LINGO2: variants seen among roughly 807,000 people sequenced by gnomAD.
The protein encoded by LINGO2 is leucine-rich repeat and immunoglobulin-like domain-containing nogo receptor-interacting protein 2.
LINGO2 carries 14 observed loss-of-function variants against 30.6 expected under a neutral mutation model. The observed-to-expected ratio is 0.46, with a 90% CI of 0.30 to 0.72. The LOEUF is 0.72. Among genes scored for constraint, LINGO2 ranks in the 30% least tolerant of loss-of-function variants. The pLI is 0.07. For missense variants in LINGO2, 729 were observed against 751.7 expected (o/e 0.97, Z 0.35); for synonymous variants, 317 against 288.5 (o/e 1.10, Z -1.00).
At position 28,176,082 on chromosome 9, in the gene LINGO2, G is replaced by A. The variant is rs75945097; in HGVS notation, c.-87+119126C>T. 3.1e-3 allele frequency among the ~76,000 whole-genome samples: 470 copies of A among 152,230 alleles called. 15 individuals carry two copies. The East Asian group carries it at 0.082, about 27-fold the overall frequency. ...TTTCATGACTTTCCATAGTATTTAG[G>A]ATAAAACGCTTAAGTATTATGCTCA... On this transcript the variant is annotated intron_variant, in intron 4 of 5. Transcript: ENST00000379992.
chr9:28,918,828 C>T, the LINGO2 span, among the ~76,000 whole-genome samples: 2 of 151,888 alleles, frequency 1.3e-5, no homozygotes, highest in African/African-American at 2.4e-5. Context: ...ACTGCAATAA[C>T]AACAAAACTA....
chr9:27,992,981 T>G (rs1821474534), intron 5 of LINGO2, among the ~76,000 whole-genome samples: 1 of 152,152 alleles, frequency 6.6e-6, no homozygotes, highest in African/African-American at 2.4e-5. Flanking sequence ...TTTCCTTATA[T>G]TAACTAGAAT....
chr9:29,067,966 T>TA, the LINGO2 span, among the ~76,000 whole-genome samples: 2 of 151,884 alleles, frequency 1.3e-5, no homozygotes, highest in East Asian at 3.9e-4. Flanking sequence ...ATTGGGGGAA[T>TA]ATTATATAAT....
At chr9:28,320,213 C>T (rs185329530) in intron 3 of LINGO2, among the ~76,000 whole-genome samples, 2 of 152,126 alleles carry the variant, frequency 1.3e-5, no homozygotes, top group East Asian at 3.9e-4. Context: ...AAGCAGCAGC[C>T]AGTGAGATTA....
At chr9:28,771,471 G>GTA in the LINGO2 span, among the ~76,000 whole-genome samples, 4 of 96,472 alleles carry the variant, frequency 4.1e-5, no homozygotes, top group African/African-American at 2.0e-4. Context: ...GTGTGTGTGT[G>GTA]TGTGTGTGTG....
At chr9:28,647,919 A>T (rs1307457497) in intron 1 of LINGO2, among the ~76,000 whole-genome samples, 2 of 132,994 alleles carry the variant, frequency 1.5e-5, no homozygotes, top group Admixed American at 8.0e-5. Flanking sequence ...TTTACTCCTT[A>T]CATAGCTTGT....
the LINGO2 span, among the ~76,000 whole-genome samples, chr9:29,044,423 CATAA>C: frequency 6.6e-6 from 1 of 151,912 alleles, no homozygotes; most frequent in Non-Finnish European, 1.5e-5. Flanking sequence ...GCTTAAGCAA[CATAA>C]ATAAAGGAGA....
chr9:28,555,119 T>C (rs1326241227), intron 1 of LINGO2, among the ~76,000 whole-genome samples: 3 of 129,738 alleles, frequency 2.3e-5, no homozygotes, highest in Admixed American at 7.7e-5. Flanking sequence ...ATTCAAAAGC[T>C]AGCAGAAGGC....
the LINGO2 span, among the ~76,000 whole-genome samples, chr9:28,854,279 A>G: frequency 6.6e-6 from 1 of 152,046 alleles, no homozygotes; most frequent in Non-Finnish European, 1.5e-5. Context: ...AGTAAAACAT[A>G]AGCACAATTT....
At chr9:28,369,385 G>T (rs528164327) in intron 3 of LINGO2, among the ~76,000 whole-genome samples, 1 of 152,140 alleles carries the variant, frequency 6.6e-6, no homozygotes, top group Non-Finnish European at 1.5e-5. Context: ...AGGGAGTAGA[G>T]ATAAAAGCTC....
the LINGO2 span, among the ~76,000 whole-genome samples, chr9:28,975,126 G>C: frequency 2.6e-5 from 4 of 152,060 alleles, no homozygotes; most frequent in Non-Finnish European, 5.9e-5. Flanking sequence ...ATCACACCAA[G>C]GTGCAAGATA....
chr9:28,994,480 G>A, the LINGO2 span, among the ~76,000 whole-genome samples: 27 of 151,336 alleles, frequency 1.8e-4, no homozygotes, highest in African/African-American at 5.6e-4. Context: ...TCCCCATCAA[G>A]CTACCAATGA....
intron 4 of LINGO2, among the ~76,000 whole-genome samples, chr9:28,032,045 G>C (rs992992739): frequency 4.0e-5 from 6 of 151,782 alleles, no homozygotes; most frequent in African/African-American, 1.2e-4. Context: ...GAGGGGTGGG[G>C]GGGGAAAGCC....
chr9:29,011,952 C>A, the LINGO2 span, among the ~76,000 whole-genome samples: 1 of 152,060 alleles, frequency 6.6e-6, no homozygotes, highest in South Asian at 2.1e-4. Flanking sequence ...GGGAAAAGGA[C>A]AATAACAAAT....
At chr9:28,727,570 G>A in the LINGO2 span, among the ~76,000 whole-genome samples, 1 of 152,180 alleles carries the variant, frequency 6.6e-6, no homozygotes, top group African/African-American at 2.4e-5. Flanking sequence ...TTACAGGCGT[G>A]AGCCACCACG....
the LINGO2 span, among the ~76,000 whole-genome samples, chr9:29,159,731 G>A: frequency 2.0e-5 from 3 of 151,396 alleles, no homozygotes; most frequent in Admixed American, 6.6e-5. Context: ...GGTGGTGGGC[G>A]CCAGTAATCC....
intron 4 of LINGO2, among the ~76,000 whole-genome samples, chr9:28,174,921 T>TGAGAGAGAGA (rs71502440): frequency 7.5e-6 from 1 of 133,308 alleles, no homozygotes; most frequent in African/African-American, 2.8e-5. Flanking sequence ...TGTGTGTGTG[T>TGAGAGAGAGA]GAGAGAGAGA....
At chr9:29,212,058 G>A in the LINGO2 span, among the ~76,000 whole-genome samples, 1 of 152,156 alleles carries the variant, frequency 6.6e-6, no homozygotes, top group Non-Finnish European at 1.5e-5. Context: ...ACCAAGAGGC[G>A]AAAGGAGAGT....
chr9:28,239,079 G>C (rs1761003334), intron 4 of LINGO2, among the ~76,000 whole-genome samples: 1 of 151,920 alleles, frequency 6.6e-6, no homozygotes, highest in African/African-American at 2.4e-5. Context: ...AACCAACCAA[G>C]ATTGAATAAT....
Sources: allele counts gnomAD v4.1 joint callset (sites outside exome capture counted in the v4.1 genomes callset), GRCh38; gene constraint gnomAD v4.1.1; transcripts MANE v1.5; gene names NCBI Gene and HGNC (gene_info 2026-07-23, HGNC 2026-07-21).